Variants in LHPP observed in about 807,000 individuals in gnomAD.
LHPP encodes hLHPP.
A neutral mutation model predicts 30.3 loss-of-function variants in LHPP; 24 were observed. The ratio of observed to expected loss-of-function variants is 0.79; its 90% CI spans 0.57 to 1.11. LHPP has a LOEUF of 1.11. LHPP is among the 50% of genes most tolerant of loss of function. The pLI, the probability that LHPP is intolerant of heterozygous loss-of-function variation, is 0.00. For synonymous variants in LHPP, 150 were observed against 157.1 expected (o/e 0.95, Z 0.34); for missense variants, 356 against 367.2 (o/e 0.97, Z 0.25).
chr10:124,606,278 G>GGC (rs869048881), intron 6 of LHPP, among the ~76,000 whole-genome samples: 2 of 4,898 alleles, frequency 4.1e-4, no homozygotes, highest in Non-Finnish European at 1.4e-3. Context: ...CACCATTCTC[G>GGC]GGGGGACAGC....
At chr10:124,512,099 T>A (rs1187566712) in intron 5 of LHPP, among the ~76,000 whole-genome samples, 2 of 152,180 alleles carry the variant, frequency 1.3e-5, no homozygotes, top group African/African-American at 4.8e-5. Context: ...ACCTGATTAA[T>A]GTCTGTCTTT....
chr10:124,595,605 G>A (rs990010488), intron 6 of LHPP, among the ~76,000 whole-genome samples: 4 of 152,126 alleles, frequency 2.6e-5, no homozygotes, highest in African/African-American at 7.2e-5. Flanking sequence ...AAGTTTTTTC[G>A]CTCACATTCC....
At chr10:124,568,425 C>G (rs1320576755) in intron 6 of LHPP, among the ~76,000 whole-genome samples, 1 of 152,208 alleles carries the variant, frequency 6.6e-6, no homozygotes, top group Non-Finnish European at 1.5e-5. Flanking sequence ...GCCCCCGGGA[C>G]AGTTTTGTTC....
In LHPP at chr10:124,582,691, C is replaced by T. The variant is rs377064482; in HGVS notation, c.717-30573C>T. On this transcript the variant is annotated intron_variant, in intron 6 of 6. Coordinates refer to ENST00000368842, the MANE Select transcript of LHPP (RefSeq NM_022126.4). Reference sequence around the variant, plus strand: ...CCTATATTCTTACAATAAAGGAAGCCAGAGAAAAGAAAATTTAAGAAAAGC... The same window carrying T: ...CCTATATTCTTACAATAAAGGAAGCTAGAGAAAAGAAAATTTAAGAAAAGC... Among the ~76,000 whole-genome samples the T allele has an allele frequency of 1.2e-3, 184 of 151,988 alleles. 4 individuals carry two copies. The South Asian group carries it at 0.036, about 30-fold the overall frequency.
chr10:124,604,080 G>C (rs1026291503), intron 6 of LHPP, among the ~76,000 whole-genome samples: 2 of 152,232 alleles, frequency 1.3e-5, no homozygotes, highest in African/African-American at 4.8e-5. Context: ...GGATGCACAG[G>C]CTCCATGGGA....
At chr10:124,542,057 C>G (rs1396875834) in intron 6 of LHPP, among the ~76,000 whole-genome samples, 2 of 152,134 alleles carry the variant, frequency 1.3e-5, no homozygotes, top group Non-Finnish European at 2.9e-5. Flanking sequence ...CCCCTGCAGA[C>G]TCGGTGGCTG....
chr10:124,520,438 G>A (rs1416927109), intron 6 of LHPP, among the ~76,000 whole-genome samples: 1 of 152,084 alleles, frequency 6.6e-6, no homozygotes, highest in Non-Finnish European at 1.5e-5. Context: ...GGCCACTACT[G>A]TCCATATCCA....
chr10:124,526,117 G>A (rs896530576), intron 6 of LHPP: 1 of 921,148 alleles, frequency 1.1e-6, no homozygotes, highest in African/African-American at 1.8e-5. Flanking sequence ...CAGGGATTGA[G>A]GGAGCGTCAG....
chr10:124,472,318 A>T (rs978059180), intron 1 of LHPP, among the ~76,000 whole-genome samples: 2 of 152,290 alleles, frequency 1.3e-5, no homozygotes, highest in South Asian at 2.1e-4. Context: ...GTCTCAAAAA[A>T]AATGTTGAGG....
intron 1 of LHPP, among the ~76,000 whole-genome samples, chr10:124,480,074 A>T (rs975402183): frequency 6.6e-6 from 1 of 152,252 alleles, no homozygotes; most frequent in African/African-American, 2.4e-5. Flanking sequence ...TGCAAGGCTC[A>T]GTATAATGTT....
At chr10:124,498,852 C>A in intron 5 of LHPP, 1 of 311,944 alleles carries the variant, frequency 3.2e-6, no homozygotes. Flanking sequence ...GTAGCTGGGA[C>A]TACAGGTATA....
At chr10:124,579,857 C>T (rs1182730247) in intron 6 of LHPP, among the ~76,000 whole-genome samples, 1 of 150,656 alleles carries the variant, frequency 6.6e-6, no homozygotes, top group African/African-American at 2.5e-5. Context: ...TTGATGACTC[C>T]AAAGTGGACG....
At chr10:124,493,337 C>T (rs10794129) in intron 3 of LHPP, among the ~76,000 whole-genome samples, 101,370 of 152,026 alleles carry the variant, frequency 0.67, 34,649 homozygotes, top group East Asian at 0.88. Context: ...ATCACCATGC[C>T]GTCCTCGGCT....
chr10:124,544,141 G>A (rs951364530), intron 6 of LHPP, among the ~76,000 whole-genome samples: 7 of 152,226 alleles, frequency 4.6e-5, no homozygotes, highest in Non-Finnish European at 1.5e-5. Flanking sequence ...AGAGCTGGAG[G>A]GGGTAGGGGC....
intron 1 of LHPP, among the ~76,000 whole-genome samples, chr10:124,462,658 G>A (rs1952438158): frequency 6.6e-6 from 1 of 152,186 alleles, no homozygotes; most frequent in South Asian, 2.1e-4. Context: ...ATGAAAATGG[G>A]TTATGTTGTT....
intron 6 of LHPP, among the ~76,000 whole-genome samples, chr10:124,603,507 G>A (rs1032123457): frequency 2.6e-5 from 4 of 152,030 alleles, no homozygotes; most frequent in African/African-American, 9.7e-5. Flanking sequence ...GGCCAGAGAG[G>A]TGAGGGACCC....
In LHPP at chr10:124,528,418, G is replaced by T. The variant is rs560164421; in HGVS notation, c.716+11147G>T. Among the ~76,000 whole-genome samples, 3 of 152,022 alleles carry T rather than the reference G, an allele frequency of 2.0e-5. No individual in the cohort carries two copies. In the East Asian group the frequency reaches 5.8e-4, roughly 29 times the overall value. ...CTGTTGCCCAGGCTGGAGTGCAATG[G>T]TGCGATCTTGGCTCATTGCAACCTC... On this transcript the variant is annotated intron_variant, in intron 6 of 6. Coordinates refer to ENST00000368842, the MANE Select transcript of LHPP (RefSeq NM_022126.4).
intron 1 of LHPP, among the ~76,000 whole-genome samples, chr10:124,470,065 A>T (rs1952680976): frequency 6.6e-6 from 1 of 152,138 alleles, no homozygotes; most frequent in Non-Finnish European, 1.5e-5. Context: ...AGGCCGGAGG[A>T]CATCTGTAAC....
chr10:124,598,481 T>C (rs1046232355), intron 6 of LHPP, among the ~76,000 whole-genome samples: 2 of 152,162 alleles, frequency 1.3e-5, no homozygotes, highest in African/African-American at 2.4e-5. Context: ...GATAACCCCA[T>C]GGGGAAAGCC....
Sources: allele counts gnomAD v4.1 joint callset (sites outside exome capture counted in the v4.1 genomes callset), GRCh38; gene constraint gnomAD v4.1.1; transcripts MANE v1.5; gene names NCBI Gene and HGNC (gene_info 2026-07-23, HGNC 2026-07-21).